The following UBQLN1 variants were observed in gnomAD, a reference collection of about 807,000 sequenced individuals.
UBQLN1 encodes the protein ubiquilin-1.
Under a neutral mutation model 65.4 loss-of-function variants are expected in UBQLN1, and 13 were observed. The ratio of observed to expected loss-of-function variants is 0.20; its 90% CI spans 0.13 to 0.32. UBQLN1 has a LOEUF of 0.32. UBQLN1 is among the 10% of genes least tolerant of loss of function. The pLI is 1.00. For synonymous variants in UBQLN1, 267 were observed against 247.8 expected (o/e 1.08, Z -0.73); for missense variants, 561 against 724.0 (o/e 0.77, Z 2.58).
chr9:83,684,096 A>C (rs1442007875), intron 2 of UBQLN1, among the ~76,000 whole-genome samples: 1 of 152,212 alleles, frequency 6.6e-6, no homozygotes, highest in East Asian at 1.9e-4. Context: ...GTTATGAGCC[A>C]GTTTTACTCT....
intron 4 of UBQLN1, 92 bp from the exon 5 acceptor site, chr9:83,678,691 G>A: frequency 3.2e-6 from 4 of 1,257,946 alleles, no homozygotes; most frequent in Non-Finnish European, 4.4e-6. Context: ...ATTAAACAAA[G>A]TTTATGGGAG....
At chr9:83,692,328 T>G (rs1832142032) in intron 1 of UBQLN1, among the ~76,000 whole-genome samples, 1 of 152,240 alleles carries the variant, frequency 6.6e-6, no homozygotes, top group Non-Finnish European at 1.5e-5. Flanking sequence ...GAGAAAGTTT[T>G]CAGATTACAC....
In UBQLN1 at chr9:83,666,589, C is replaced by A; in HGVS notation, c.1249-156G>T. The A allele has an allele frequency of 5.0e-6, 3 of 595,196 alleles. No homozygotes were observed. The East Asian group carries it at 8.4e-5, about 17-fold the overall frequency. The allele number at this position is 595,196 out of a possible 1,614,324, so 36.9% of individuals were successfully genotyped here. On this transcript the variant is annotated intron_variant, in intron 7 of 10. Transcript: ENST00000376395. ...AAAGGAAAAGGGAAGATACTGTCCA[C>A]AAGAGGGATCTCCAGAAGAACAAAA... is the stretch of plus-strand genomic sequence containing the variant.
chr9:83,666,278 G>A (rs1057485797), intron 8 of UBQLN1, 72 bp downstream of exon 8: 2 of 1,459,726 alleles, frequency 1.4e-6, no homozygotes, highest in Non-Finnish European at 9.6e-7. Flanking sequence ...AGAAGAGCAA[G>A]GAAAAATGTT....
In UBQLN1 at chr9:83,707,645, C is replaced by G. The variant is rs1182028457; in HGVS notation, c.35G>C (p.Gly12Ala). 3.2e-6 allele frequency: 5 copies of G among 1,566,122 alleles called. No individual in the cohort carries two copies. Among genetic ancestry groups the G allele is most frequent in the Admixed American group, 1.9e-5 (1 of 52,600 alleles). ...AESGESGGPPGSQDSAAGAEG... is the reference protein window; with the variant it reads ...AESGESGGPPASQDSAAGAEG... ...GGCTCCGGCGGCGCTATCCTGGGAG[C>G]CCGGAGGACCGCCGCTTTCACCACT... The change falls in exon 1 of 11, where the codon GGC (glycine) becomes GCC (alanine). Residue 12 changes from glycine to alanine, a missense_variant. This residue lies in a region of UBQLN1 where 101 missense variants were observed against 104.9 expected (regional missense o/e 0.96). Transcript: ENST00000376395.
intron 1 of UBQLN1, among the ~76,000 whole-genome samples, chr9:83,704,508 A>C (rs577985700): frequency 6.9e-6 from 1 of 145,432 alleles, no homozygotes; most frequent in African/African-American, 2.6e-5. Flanking sequence ...CTACTTCAGA[A>C]AGACTTTAAT....
intron 6 of UBQLN1, among the ~76,000 whole-genome samples, chr9:83,671,472 G>T (rs1453056870): frequency 1.8e-4 from 28 of 152,326 alleles, no homozygotes; most frequent in African/African-American, 6.0e-4. Context: ...CAGAATGAAT[G>T]CTGTGTTAGT....
intron 1 of UBQLN1, among the ~76,000 whole-genome samples, chr9:83,690,677 T>C (rs1403968631): frequency 6.6e-6 from 1 of 151,854 alleles, no homozygotes; most frequent in East Asian, 1.9e-4. Flanking sequence ...GAGGCTGCAG[T>C]GAGCTACGAT....
rs1218194948 is a variant in UBQLN1 at position 83,661,829 on chromosome 9, G to A, written c.1728C>T (p.Ile576=). 1 of 1,613,578 alleles carries A rather than the reference G, an allele frequency of 6.2e-7. No homozygotes were observed. The highest frequency in any genetic ancestry group is 1.7e-5 in the Admixed American group (1 of 59,996). Reference sequence around the variant, plus strand: ...CCAGTAACCTTTCAATAGCTGCATTGATATCACCTCCTGTTGCTATTAGAG... The same window carrying A: ...CCAGTAACCTTTCAATAGCTGCATTAATATCACCTCCTGTTGCTATTAGAG... ...LQALIATGGD[I]NAAIERLLGS... is the part of the protein sequence containing the mutation. The change falls in exon 11 of 11, where the codon ATC becomes ATT. Residue 576 remains isoleucine, a synonymous_variant. Coordinates refer to ENST00000376395, the MANE Select transcript of UBQLN1 (RefSeq NM_013438.5).
rs185488943 is a variant in UBQLN1 at position 83,695,292 on chromosome 9, G to A, written c.181-9137C>T. Among the ~76,000 whole-genome samples the A allele has an allele frequency of 3.0e-4, 44 of 148,684 alleles. 1 individual carries two copies. In the East Asian group the frequency reaches 8.1e-3, roughly 27 times the overall value. Reference sequence around the variant, plus strand: ...TGGCTCACTGCAACCTCCACCTCCCGGGTTCAAGTGATTCTCCTGCCTCAG... The same window carrying A: ...TGGCTCACTGCAACCTCCACCTCCCAGGTTCAAGTGATTCTCCTGCCTCAG... On this transcript the variant is annotated intron_variant, in intron 1 of 10. Transcript: ENST00000376395.
At chr9:83,683,459 T>C (rs1355716705) in intron 2 of UBQLN1, among the ~76,000 whole-genome samples, 1 of 146,402 alleles carries the variant, frequency 6.8e-6, no homozygotes, top group African/African-American at 2.5e-5. Flanking sequence ...TCCTGACATC[T>C]AGAAATAAAG....
chr9:83,663,055 A>G (rs1186924394), intron 10 of UBQLN1, among the ~76,000 whole-genome samples: 1 of 144,878 alleles, frequency 6.9e-6, no homozygotes, highest in Non-Finnish European at 1.5e-5. Flanking sequence ...CACTTTGTCA[A>G]AAGGGAAAGG....
intron 7 of UBQLN1, 114 bp from the exon 8 acceptor site, chr9:83,666,547 G>A: frequency 1.1e-6 from 1 of 911,294 alleles, no homozygotes; most frequent in South Asian, 1.6e-5. Flanking sequence ...AGGGAGGAAG[G>A]TAGAACATAA....
At chr9:83,669,461 T>A in intron 6 of UBQLN1, 134 bp from the exon 7 acceptor site, 1 of 839,054 alleles carries the variant, frequency 1.2e-6, no homozygotes, top group Non-Finnish European at 1.7e-6. Context: ...TCAACTGAAC[T>A]ACGAAAGAAC....
chr9:83,693,466 ATT>A (rs35505951), intron 1 of UBQLN1, among the ~76,000 whole-genome samples: 1,605 of 150,324 alleles, frequency 0.011, 23 homozygotes, highest in African/African-American at 0.034. Context: ...TCTTTTTCTT[ATT>A]TTTTTTTTAA....
chr9:83,671,718 A>G (rs1035336691), intron 6 of UBQLN1, among the ~76,000 whole-genome samples: 2 of 152,070 alleles, frequency 1.3e-5, no homozygotes, highest in African/African-American at 4.8e-5. Flanking sequence ...GAATAGATCT[A>G]GCATAATTTT....
intron 10 of UBQLN1, 94 bp from the exon 11 acceptor site, chr9:83,662,033 T>G (rs114829901): frequency 3.5e-6 from 4 of 1,139,138 alleles, no homozygotes; most frequent in Non-Finnish European, 4.9e-6. Context: ...TTTTATAACA[T>G]ATGCTGATCT....
At chr9:83,694,979 T>C (rs911778491) in intron 1 of UBQLN1, among the ~76,000 whole-genome samples, 29 of 152,074 alleles carry the variant, frequency 1.9e-4, no homozygotes, top group African/African-American at 7.0e-4. Context: ...CAATAAATCA[T>C]AAAAATAATA....
Position 83,707,489 on chromosome 9 carries a change from G to A in UBQLN1, c.180+11C>T. 1.2e-6 allele frequency: 2 copies of A among 1,602,292 alleles called. No individual in the cohort carries two copies. Among genetic ancestry groups the A allele is most frequent in the African/African-American group, 1.4e-5 (1 of 73,390 alleles). ...CACCCCCATCCCGGCCCGAGCCCCAGGCGGCCTCACCTGCTGGACGGAGCT... is the reference window on the plus strand; with the variant it reads ...CACCCCCATCCCGGCCCGAGCCCCAAGCGGCCTCACCTGCTGGACGGAGCT... On this transcript the variant is annotated intron_variant, in intron 1 of 10. Coordinates refer to ENST00000376395, the MANE Select transcript of UBQLN1 (RefSeq NM_013438.5).
Sources: allele counts gnomAD v4.1 joint callset (sites outside exome capture counted in the v4.1 genomes callset), GRCh38; gene constraint gnomAD v4.1.1; regional missense constraint gnomAD v4.1.1; transcripts MANE v1.5; gene names NCBI Gene and HGNC (gene_info 2026-07-23, HGNC 2026-07-21).